TGM7: variants seen among roughly 807,000 people sequenced by gnomAD.
TGM7 encodes the protein protein-glutamine gamma-glutamyltransferase Z.
Under a neutral mutation model 79.5 loss-of-function variants are expected in TGM7, and 74 were observed. That is an observed-to-expected ratio of 0.93 (90% CI 0.77 to 1.13). The LOEUF (loss-of-function observed/expected upper bound fraction) is 1.13. Among genes scored for constraint, TGM7 ranks in the 50% most tolerant of loss-of-function variants. The probability of loss-of-function intolerance (pLI) is 0.00; values close to 1 mark genes in which losing one functional copy is unlikely to be tolerated. For missense variants in TGM7, 912 were observed against 905.9 expected, an observed-to-expected ratio of 1.01 and a Z score of -0.09; for synonymous variants, 354 against 362.5, an observed-to-expected ratio of 0.98 and a Z score of 0.27.
intron 11 of TGM7, 50 bp downstream of exon 11, chr15:43,279,067 A>C: frequency 6.4e-7 from 1 of 1,568,644 alleles, no homozygotes. Context: ...CAGCCCCTGG[A>C]TTGGGTGAGT....
At chr15:43,279,574 C>T (rs889815657) in intron 10 of TGM7, 51 bp downstream of exon 10, 9 of 1,524,678 alleles carry the variant, frequency 5.9e-6, no homozygotes, top group South Asian at 1.3e-5. Context: ...TGTTCATGGA[C>T]CCACAGCTCC....
Position 43,293,547 on chromosome 15 carries a change from C to T in TGM7, c.95G>A (p.Arg32Gln). Residue 32 changes from arginine (R) to glutamine (Q), a missense_variant, in exon 2 of 13, where the codon CGG (arginine) becomes CAG (glutamine). Transcript: ENST00000452443. Reference sequence around the variant, plus strand: ...GGGCTGGCCGCGGCGCACAGTGAGCCGCTTGACGCCCATCTCCTGCGTGTG... The same window carrying T: ...GGGCTGGCCGCGGCGCACAGTGAGCTGCTTGACGCCCATCTCCTGCGTGTG... Reference protein sequence around the residue: ...EHHTQEMGVKRLTVRRGQPFY... With the variant: ...EHHTQEMGVKQLTVRRGQPFY... The T allele has an allele frequency of 6.2e-7, 1 of 1,609,340 alleles. No individual in the cohort carries two copies. The highest frequency in any genetic ancestry group is 1.1e-5 in the South Asian group (1 of 90,970).
Position 43,279,957 on chromosome 15 carries a change from G to C in TGM7, c.1352-6C>G. 3 of 1,612,134 alleles carry C rather than the reference G, an allele frequency of 1.9e-6. No homozygotes were observed. The highest frequency in any genetic ancestry group is 2.5e-6 in the Non-Finnish European group (3 of 1,178,808). ...AGCTCTCTCCTCAGGGGATCCTGCA[G>C]AAGGGAGAGGTAGGAGAGACATGCA... On this transcript the variant is annotated splice_polypyrimidine_tract_variant and splice_region_variant and intron_variant, in intron 9 of 12. Transcript: ENST00000452443.
In TGM7 at chr15:43,281,913, C is replaced by T; in HGVS notation, c.1282G>A (p.Glu428Lys). 1 of 1,614,162 alleles carries T rather than the reference C, an allele frequency of 6.2e-7. No individual in the cohort carries two copies. Among genetic ancestry groups the T allele is most frequent in the Non-Finnish European group, 8.5e-7 (1 of 1,179,960 alleles). Reference protein sequence around the residue: ...LAHNTSSIGKEISTKMVGSDQ... With the variant: ...LAHNTSSIGKKISTKMVGSDQ... ...GACCCCACCATCTTAGTGCTGATCT[C>T]CTTCCCGATGGAACTGGTGTTGTGG... Residue 428 changes from glutamate to lysine, a missense_variant, in exon 9 of 13, where the codon GAG becomes AAG. Transcript: ENST00000452443.
intron 4 of TGM7, among the ~76,000 whole-genome samples, chr15:43,291,599 G>A (rs1456379971): frequency 1.3e-5 from 2 of 152,106 alleles, no homozygotes; most frequent in Non-Finnish European, 2.9e-5. Flanking sequence ...CAGCTCATGG[G>A]CTAAACAGGC....
intron 4 of TGM7, among the ~76,000 whole-genome samples, chr15:43,288,510 G>T (rs530963771): frequency 6.0e-5 from 9 of 150,844 alleles, no homozygotes; most frequent in African/African-American, 1.5e-4. Flanking sequence ...TTTTTTTTCC[G>T]TTACAATCAT....
At chr15:43,276,834 G>T in intron 12 of TGM7, 28 bp downstream of exon 12, 1 of 1,610,218 alleles carries the variant, frequency 6.2e-7, no homozygotes, top group Non-Finnish European at 8.5e-7. Context: ...AGACCAGCAA[G>T]GGGGAGGTGG....
intron 1 of TGM7, among the ~76,000 whole-genome samples, chr15:43,300,669 C>T (rs1179146508): frequency 2.0e-5 from 3 of 152,120 alleles, no homozygotes; most frequent in South Asian, 2.1e-4. Context: ...GGCGTGGTAG[C>T]GGGCGCCTGT....
At chr15:43,298,488 G>C (rs1300852998) in intron 1 of TGM7, among the ~76,000 whole-genome samples, 3 of 152,184 alleles carry the variant, frequency 2.0e-5, no homozygotes, top group Non-Finnish European at 2.9e-5. Context: ...CAGGCGCGGT[G>C]GCTCACGCCT....
chr15:43,278,768 G>A (rs934253732), intron 11 of TGM7, among the ~76,000 whole-genome samples: 3 of 152,214 alleles, frequency 2.0e-5, no homozygotes, highest in African/African-American at 7.2e-5. Context: ...GTCATCGTTT[G>A]AATTTGACTT....
chr15:43,300,913 C>T lies in TGM7; in HGVS notation c.10+1328G>A, dbSNP rs540900895. ...CACTAAAGTACCCTGGAATCTAGCA[C>T]GTGACAAGCTTCTTGAGCCTTCTCT... is the stretch of plus-strand genomic sequence containing the variant. On this transcript the variant is annotated intron_variant, in intron 1 of 12. Coordinates refer to ENST00000452443, the MANE Select transcript of TGM7 (RefSeq NM_052955.3). Among the ~76,000 whole-genome samples, 220 of 152,324 alleles carry T rather than the reference C, an allele frequency of 1.4e-3. 2 individuals carry two copies. Among genetic ancestry groups the T allele is most frequent in the Admixed American group, 4.6e-3 (70 of 15,308 alleles).
chr15:43,292,833 A>T lies in TGM7; in HGVS notation c.315T>A (p.Leu105=). Residue 105 remains leucine, a synonymous_variant, in exon 3 of 13, where the codon CTT becomes CTA. Coordinates refer to ENST00000452443, the MANE Select transcript of TGM7 (RefSeq NM_052955.3). ...CAATAACTGCATTGGCTGGTGTGAA[A>T]AGGGAAACTTGGAGAGAGTTGGAGT... ...TIDSNSLQVS[L]FTPANAVIGH... 2 of 1,614,118 alleles carry T rather than the reference A, an allele frequency of 1.2e-6. No individual in the cohort carries two copies. The highest frequency in any genetic ancestry group is 8.5e-7 in the Non-Finnish European group (1 of 1,180,026).
chr15:43,283,244 T>C (rs1026839828), intron 7 of TGM7, among the ~76,000 whole-genome samples: 3 of 152,236 alleles, frequency 2.0e-5, no homozygotes, highest in African/African-American at 7.2e-5. Flanking sequence ...CCCTAGCACA[T>C]TGGATATTGA....
intron 6 of TGM7, among the ~76,000 whole-genome samples, chr15:43,285,790 G>A (rs1434454138): frequency 6.6e-6 from 1 of 152,072 alleles, no homozygotes; most frequent in Non-Finnish European, 1.5e-5. Context: ...TAAAAGCTGA[G>A]TTATGATTTC....
chr15:43,288,303 T>TG (rs888816605), intron 4 of TGM7, among the ~76,000 whole-genome samples: 1 of 152,092 alleles, frequency 6.6e-6, no homozygotes, highest in African/African-American at 2.4e-5. Flanking sequence ...GGTTGGAGAA[T>TG]GGGGAAAACG....
rs748571263 is a variant in TGM7, at chr15:43,297,506, AGAAG to A, written c.11-3879_11-3876del. On this transcript the variant is annotated intron_variant, in intron 1 of 12. Coordinates refer to ENST00000452443, the MANE Select transcript of TGM7 (RefSeq NM_052955.3). ...GAGAAAGAGAAAGAAAAAGAAAGAA[AGAAG>A]GAAGGAAGGAAGGAAAGAAAGAAAG... Among the ~76,000 whole-genome samples, 194 of 113,394 alleles carry A rather than the reference AGAAG, an allele frequency of 1.7e-3. 2 individuals are homozygous for A. Among genetic ancestry groups the A allele is most frequent in the Non-Finnish European group, 2.5e-3 (144 of 58,762 alleles). 74.4% of individuals were successfully genotyped at this position (113,394 alleles called of 152,430 possible).
chr15:43,287,777 G>T, intron 4 of TGM7, 108 bp from the exon 5 acceptor site: 1 of 1,340,256 alleles, frequency 7.5e-7, no homozygotes, highest in Non-Finnish European at 1.0e-6. Flanking sequence ...GGGGATGTGG[G>T]GGCAGGGGGA....
At chr15:43,277,922 A>G (rs2142400425) in intron 11 of TGM7, among the ~76,000 whole-genome samples, 1 of 152,366 alleles carries the variant, frequency 6.6e-6, no homozygotes, top group Non-Finnish European at 1.5e-5. Context: ...TCATCTGCAG[A>G]TCCCTTACTG....
Position 43,284,828 on chromosome 15 carries a change from T to C in TGM7, c.990A>G (p.Lys330=). ...DRNAEMLSTQ[K]RDKIWNFHVW... is the part of the protein sequence containing the mutation. ...GTGCCTCTCACCATATTTTGTCTCG[T>C]TTCTGAGTTGACAGCATCTCGGCAT... is the stretch of plus-strand genomic sequence containing the variant. The change falls in exon 7 of 13, where the codon AAA becomes AAG. Residue 330 remains lysine (K), a synonymous_variant. Transcript: ENST00000452443. The C allele has an allele frequency of 1.2e-6, 2 of 1,614,172 alleles. No homozygotes were observed. Among genetic ancestry groups the C allele is most frequent in the Middle Eastern group, 3.3e-4 (2 of 6,062 alleles).
Sources: allele counts gnomAD v4.1 joint callset (sites outside exome capture counted in the v4.1 genomes callset), GRCh38; gene constraint gnomAD v4.1.1; transcripts MANE v1.5; gene names NCBI Gene and HGNC (gene_info 2026-07-23, HGNC 2026-07-21).